Variants in PIGK observed in about 807,000 individuals in gnomAD.
PIGK encodes the protein phosphatidylinositol glycan anchor biosynthesis class K.
In PIGK, 42 loss-of-function variants were observed where a neutral mutation model predicts 50.6. The ratio of observed to expected loss-of-function variants is 0.83; its 90% CI spans 0.65 to 1.07. The LOEUF is 1.07. PIGK is among the 50% of genes least tolerant of loss of function. The pLI, the probability that PIGK is intolerant of heterozygous loss-of-function variation, is 0.00. For synonymous variants in PIGK, 151 were observed against 156.0 expected (o/e 0.97, Z 0.24); for missense variants, 448 against 488.7 (o/e 0.92, Z 0.78).
intron 9 of PIGK, among the ~76,000 whole-genome samples, chr1:77,127,162 T>G (rs1654250619): frequency 6.6e-6 from 1 of 152,184 alleles, no homozygotes; most frequent in African/African-American, 2.4e-5. Flanking sequence ...ATAAATAAAA[T>G]ACTCCTGGCA....
chr1:77,147,721 T>A (rs1654803087), intron 9 of PIGK, among the ~76,000 whole-genome samples: 1 of 152,250 alleles, frequency 6.6e-6, no homozygotes, highest in Non-Finnish European at 1.5e-5. Flanking sequence ...CTATGTATAC[T>A]ACGATGAAGC....
At chr1:77,097,305 C>A (rs1311007369) in intron 10 of PIGK, among the ~76,000 whole-genome samples, 1 of 152,100 alleles carries the variant, frequency 6.6e-6, no homozygotes, top group African/African-American at 2.4e-5. Flanking sequence ...AAGGAAATGA[C>A]GGTGACACAG....
intron 9 of PIGK, among the ~76,000 whole-genome samples, chr1:77,146,724 G>A (rs1408580688): frequency 6.6e-6 from 1 of 151,920 alleles, no homozygotes; most frequent in South Asian, 2.1e-4. Context: ...TAGAACCCGG[G>A]AGGCGGAGGT....
Position 77,092,023 on chromosome 1 carries a change from C to T in PIGK, c.*351G>A, listed in dbSNP as rs1215864923. On this transcript the variant is annotated 3_prime_UTR_variant, in exon 11 of 11. Coordinates refer to ENST00000370812, the MANE Select transcript of PIGK (RefSeq NM_005482.3). ...GGAGGATATACAAAAAATAATTAAC[C>T]AAAGTTACTTCTGTTAGTGAGAATT... 1 of 154,768 alleles carries T rather than the reference C, an allele frequency of 6.5e-6. No homozygotes were observed. Among genetic ancestry groups the T allele is most frequent in the Non-Finnish European group, 1.4e-5 (1 of 70,086 alleles). 9.6% of individuals were successfully genotyped at this position (154,768 alleles called of 1,614,324 possible).
At chr1:77,202,053 CAA>C (rs79509311) in intron 3 of PIGK, among the ~76,000 whole-genome samples, 1 of 129,994 alleles carries the variant, frequency 7.7e-6, no homozygotes. Context: ...GTGAGACAAT[CAA>C]AAAAAAAAAA....
intron 9 of PIGK, among the ~76,000 whole-genome samples, chr1:77,150,129 T>G (rs892719772): frequency 1.3e-5 from 2 of 151,944 alleles, no homozygotes; most frequent in African/African-American, 4.8e-5. Flanking sequence ...AACGCCTACA[T>G]CAAAAAGAAA....
At chr1:77,145,059 A>G (rs1450145040) in intron 9 of PIGK, among the ~76,000 whole-genome samples, 2 of 151,984 alleles carry the variant, frequency 1.3e-5, no homozygotes, top group East Asian at 1.9e-4. Context: ...TTTGGTTCAT[A>G]AAGTTTTATA....
In PIGK at chr1:77,141,888, T is replaced by G. The variant is rs1316718054; in HGVS notation, c.986+12561A>C. Among the ~76,000 whole-genome samples the G allele has an allele frequency of 2.0e-5, 3 of 152,112 alleles. No homozygotes were observed. In the East Asian group the frequency reaches 5.8e-4, roughly 29 times the overall value. The stretch of plus-strand genomic sequence containing the variant: ...AAATCAGCTTTCTAACAAATAAAAG[T>G]TAACAGCTGTGACCCAAAATTGGTA... On this transcript the variant is annotated intron_variant, in intron 9 of 10. Transcript: ENST00000370812.
chr1:77,189,776 C>G (rs926011214), intron 3 of PIGK, among the ~76,000 whole-genome samples: 45 of 137,454 alleles, frequency 3.3e-4, no homozygotes, highest in African/African-American at 1.2e-3. Context: ...CACACACACA[C>G]AGATATACAG....
At chr1:77,182,217 T>G (rs1186857707) in intron 3 of PIGK, among the ~76,000 whole-genome samples, 2 of 152,158 alleles carry the variant, frequency 1.3e-5, no homozygotes, top group Non-Finnish European at 2.9e-5. Context: ...ACAGCTAACA[T>G]TTATTGAGCA....
rs1232159462 is a variant in PIGK at position 77,165,173 on chromosome 1, C to A, written c.488-1231G>T. Among the ~76,000 whole-genome samples the A allele has an allele frequency of 2.0e-5, 3 of 152,202 alleles. No individual in the cohort carries two copies. The East Asian group carries it at 5.8e-4, about 29-fold the overall frequency. ...ACTACTGGAATTTGTTCCAAGCCTGCAGTTACCCTGAAAGAGTTCCAACAG... is the reference window on the plus strand; with the variant it reads ...ACTACTGGAATTTGTTCCAAGCCTGAAGTTACCCTGAAAGAGTTCCAACAG... On this transcript the variant is annotated intron_variant, in intron 5 of 10. Transcript: ENST00000370812.
rs1655131739 is a variant in PIGK at position 77,161,662 on chromosome 1, A to T, written c.634T>A (p.Tyr212Asn). ...ATGTTAGGAGAATAAAATCGTTCAT[A>T]CATGGATGCTCCTTGGCAAGTATCA... ...IIDTCQGASM[Y>N]ERFYSPNIMA... Residue 212 changes from tyrosine (Y) to asparagine (N), a missense_variant, in exon 7 of 11, where the codon TAT becomes AAT. Coordinates refer to ENST00000370812, the MANE Select transcript of PIGK (RefSeq NM_005482.3). 1.3e-6 allele frequency: 2 copies of T among 1,589,248 alleles called. No homozygotes were observed. Among genetic ancestry groups the T allele is most frequent in the African/African-American group, 1.3e-5 (1 of 74,448 alleles).
At chr1:77,188,997 G>A (rs1217094344) in intron 3 of PIGK, among the ~76,000 whole-genome samples, 1 of 152,200 alleles carries the variant, frequency 6.6e-6, no homozygotes, top group African/African-American at 2.4e-5. Context: ...AACTGTAATT[G>A]TCATGAGTAT....
intron 6 of PIGK, 66 bp downstream of exon 6, chr1:77,163,780 A>C: frequency 1.2e-6 from 1 of 835,042 alleles, no homozygotes; most frequent in Non-Finnish European, 1.9e-6. Context: ...AAAAATTACA[A>C]ATCTACGAAC....
intron 3 of PIGK, chr1:77,195,359 C>A: frequency 8.0e-7 from 1 of 1,253,548 alleles, no homozygotes; most frequent in East Asian, 2.4e-5. Flanking sequence ...GAGGCACAGG[C>A]ACTTCTCCAG....
chr1:77,097,592 G>A (rs1033940761), intron 10 of PIGK, among the ~76,000 whole-genome samples: 1 of 151,942 alleles, frequency 6.6e-6, no homozygotes, highest in Non-Finnish European at 1.5e-5. Flanking sequence ...TTCCTTAATC[G>A]TGATTTTAAC....
At chr1:77,141,892 C>A (rs1654657846) in intron 9 of PIGK, among the ~76,000 whole-genome samples, 1 of 151,984 alleles carries the variant, frequency 6.6e-6, no homozygotes, top group African/African-American at 2.4e-5. Context: ...TAAAAGTTAA[C>A]AGCTGTGACC....
chr1:77,198,738 G>C (rs140213049), intron 3 of PIGK, among the ~76,000 whole-genome samples: 1 of 151,868 alleles, frequency 6.6e-6, no homozygotes, highest in Non-Finnish European at 1.5e-5. Flanking sequence ...TATTAAACCC[G>C]TAATTAAATA....
chr1:77,204,554 T>G (rs558637096), intron 3 of PIGK, among the ~76,000 whole-genome samples: 1 of 152,140 alleles, frequency 6.6e-6, no homozygotes, highest in Non-Finnish European at 1.5e-5. Flanking sequence ...AAATCCATAA[T>G]AAAAACTTGC....
Sources: gnomAD v4.1 joint callset for allele counts (sites outside exome capture counted in the v4.1 genomes callset) on GRCh38, gnomAD v4.1.1 for gene constraint, MANE v1.5 for transcripts, NCBI Gene and HGNC (gene_info 2026-07-23, HGNC 2026-07-21) for gene names.